Variants in RASAL2 observed in about 807,000 individuals in gnomAD.
RASAL2 encodes RAS protein activator like 2.
A neutral mutation model predicts 128.9 loss-of-function variants in RASAL2; 58 were observed. The observed-to-expected ratio is 0.45, with a 90% CI of 0.36 to 0.56. The LOEUF (loss-of-function observed/expected upper bound fraction) is 0.56. RASAL2 is among the 20% of genes least tolerant of loss of function. The pLI is 0.00. For synonymous variants in RASAL2, 561 were observed against 580.8 expected (o/e 0.97, Z 0.49); for missense variants, 1,360 against 1,601.6 (o/e 0.85, Z 2.57).
chr1:178,443,240 A>G lies in RASAL2; in HGVS notation c.1482+11A>G. The G allele has an allele frequency of 6.3e-7, 1 of 1,584,792 alleles. No individual in the cohort carries two copies. The highest frequency in any genetic ancestry group is 8.6e-7 in the Non-Finnish European group (1 of 1,157,308). On this transcript the variant is annotated intron_variant, in intron 8 of 17. Coordinates refer to ENST00000367649, the MANE Select transcript of RASAL2 (RefSeq NM_170692.4). ...ACTGGCAGAGCCAAGGTAAGTGGAA[A>G]AGGGGGATTGCAGTACCTGAAGTCT...
Position 178,458,564 on chromosome 1 carries a change from G to A in RASAL2, c.3252+20G>A, listed in dbSNP as rs200766811. ...CAGCAGGTAGGTGTGAGTGCTGAAG[G>A]GGCCTGGCTTCTACTTGGTCCATCT... On this transcript the variant is annotated intron_variant, in intron 14 of 17. Coordinates refer to ENST00000367649, the MANE Select transcript of RASAL2 (RefSeq NM_170692.4). The A allele has an allele frequency of 3.8e-5, 59 of 1,569,816 alleles. No homozygotes were observed. In the Admixed American group the frequency reaches 1.1e-3, roughly 28 times the overall value.
intron 3 of RASAL2, among the ~76,000 whole-genome samples, chr1:178,341,038 ATAG>A (rs1669850185): frequency 6.6e-6 from 1 of 152,214 alleles, no homozygotes; most frequent in Admixed American, 6.5e-5. Flanking sequence ...GTAGTTTAAG[ATAG>A]TAATGTATAT....
intron 3 of RASAL2, among the ~76,000 whole-genome samples, chr1:178,348,230 A>G (rs1169815128): frequency 6.6e-6 from 1 of 152,194 alleles, no homozygotes; most frequent in Admixed American, 6.5e-5. Context: ...ACTAGCATGA[A>G]TTACATTTGT....
At chr1:178,422,514 G>T (rs540591650) in intron 5 of RASAL2, among the ~76,000 whole-genome samples, 2 of 151,942 alleles carry the variant, frequency 1.3e-5, no homozygotes, top group South Asian at 2.1e-4. Context: ...ACTTTTTCTT[G>T]TATAGAGGTG....
intron 1 of RASAL2, among the ~76,000 whole-genome samples, chr1:178,120,207 G>C (rs1023977940): frequency 4.6e-5 from 7 of 152,188 alleles, no homozygotes; most frequent in African/African-American, 1.7e-4. Flanking sequence ...GTACAAAGTG[G>C]CTTGGAGAAT....
chr1:178,150,466 G>A (rs964542505), intron 1 of RASAL2, among the ~76,000 whole-genome samples: 1 of 152,096 alleles, frequency 6.6e-6, no homozygotes, highest in Non-Finnish European at 1.5e-5. Flanking sequence ...TATTACAGGC[G>A]TGATCCACTG....
At chr1:178,465,495 T>C (rs1286489769) in intron 15 of RASAL2, among the ~76,000 whole-genome samples, 2 of 152,222 alleles carry the variant, frequency 1.3e-5, no homozygotes, top group African/African-American at 4.8e-5. Flanking sequence ...TATAGACAAC[T>C]GACTTTTGGC....
intron 1 of RASAL2, among the ~76,000 whole-genome samples, chr1:178,103,756 C>G (rs1174215953): frequency 6.6e-6 from 1 of 152,022 alleles, no homozygotes; most frequent in Admixed American, 6.6e-5. Flanking sequence ...TACTAAGGAA[C>G]TCTTAGTATT....
intron 17 of RASAL2, among the ~76,000 whole-genome samples, chr1:178,469,597 C>T (rs1483383720): frequency 6.6e-6 from 1 of 152,116 alleles, no homozygotes; most frequent in Non-Finnish European, 1.5e-5. Context: ...ATCCTCAAAC[C>T]GTAAGTCACT....
intron 1 of RASAL2, among the ~76,000 whole-genome samples, chr1:178,266,858 A>G (rs993730638): frequency 2.0e-5 from 3 of 152,250 alleles, no homozygotes; most frequent in East Asian, 3.9e-4. Context: ...ATGAGTTTCT[A>G]TACACTTGGG....
At chr1:178,441,950 G>A (rs931740022) in intron 7 of RASAL2, among the ~76,000 whole-genome samples, 2 of 152,072 alleles carry the variant, frequency 1.3e-5, no homozygotes, top group African/African-American at 4.8e-5. Context: ...ATGGCAGAAG[G>A]CAGAAGGGGA....
intron 1 of RASAL2, among the ~76,000 whole-genome samples, chr1:178,182,580 T>G (rs1186022023): frequency 6.6e-6 from 1 of 152,212 alleles, no homozygotes; most frequent in Non-Finnish European, 1.5e-5. Context: ...TAAGTTCATA[T>G]TAATGTTTCT....
intron 1 of RASAL2, among the ~76,000 whole-genome samples, chr1:178,218,953 T>C (rs1313581698): frequency 6.6e-6 from 1 of 152,274 alleles, no homozygotes; most frequent in African/African-American, 2.4e-5. Context: ...TTTGTTCCAA[T>C]AGCAGACTGT....
At chr1:178,101,188 T>G (rs1658882952) in intron 1 of RASAL2, among the ~76,000 whole-genome samples, 1 of 152,122 alleles carries the variant, frequency 6.6e-6, no homozygotes, top group Admixed American at 6.5e-5. Context: ...TTAGTGAGTA[T>G]ACAGTAAACA....
At chr1:178,098,006 G>A (rs1254257432) in intron 1 of RASAL2, among the ~76,000 whole-genome samples, 1 of 152,176 alleles carries the variant, frequency 6.6e-6, no homozygotes, top group East Asian at 1.9e-4. Flanking sequence ...TTGAGATGTG[G>A]CTGAGAGAAA....
intron 1 of RASAL2, among the ~76,000 whole-genome samples, chr1:178,180,725 A>T (rs1407688062): frequency 1.3e-5 from 2 of 149,558 alleles, no homozygotes; most frequent in Non-Finnish European, 3.0e-5. Flanking sequence ...CATTATTGCG[A>T]CTCTAACCAC....
At chr1:178,195,223 T>A (rs1662620511) in intron 1 of RASAL2, among the ~76,000 whole-genome samples, 1 of 152,224 alleles carries the variant, frequency 6.6e-6, no homozygotes, top group South Asian at 2.1e-4. Flanking sequence ...TTCCTGATTT[T>A]AAAGGTTATA....
chr1:178,415,790 C>A (rs1299923873), intron 4 of RASAL2, among the ~76,000 whole-genome samples: 1 of 152,014 alleles, frequency 6.6e-6, no homozygotes, highest in South Asian at 2.1e-4. Flanking sequence ...GAAAATTGAC[C>A]CATTTATCAT....
chr1:178,205,206 T>A (rs1662998279), intron 1 of RASAL2, among the ~76,000 whole-genome samples: 1 of 152,062 alleles, frequency 6.6e-6, no homozygotes, highest in African/African-American at 2.4e-5. Flanking sequence ...GGTTTCACCA[T>A]GTTGGCCAGG....
Sources: gnomAD v4.1 joint callset for allele counts (sites outside exome capture counted in the v4.1 genomes callset) on GRCh38, gnomAD v4.1.1 for gene constraint, MANE v1.5 for transcripts, NCBI Gene and HGNC (gene_info 2026-07-23, HGNC 2026-07-21) for gene names.